Variants in PMS2 observed in about 807,000 individuals in gnomAD.
PMS2 encodes the protein mismatch repair endonuclease PMS2.
PMS2 carries 69 observed loss-of-function variants against 90.0 expected under a neutral mutation model. The observed-to-expected ratio is 0.77, with a 90% CI of 0.63 to 0.94. PMS2 has a LOEUF of 0.94. Ranked by LOEUF, PMS2 falls within the 40% of genes least tolerant of loss-of-function variation. The pLI is 0.00. For synonymous variants in PMS2, 332 were observed against 375.1 expected, an observed-to-expected ratio of 0.89 and a Z score of 1.33; for missense variants, 966 against 1,040.2, an observed-to-expected ratio of 0.93 and a Z score of 0.98.
chr7:5,993,262 T>C (rs1436554617), intron 8 of PMS2, among the ~76,000 whole-genome samples: 1 of 151,252 alleles, frequency 6.6e-6, no homozygotes, highest in Non-Finnish European at 1.5e-5. Context: ...TCCCAGCTAC[T>C]TGAGAGGCTG....
At chr7:5,994,667 T>C (rs578176257) in intron 8 of PMS2, among the ~76,000 whole-genome samples, 75 of 151,666 alleles carry the variant, frequency 4.9e-4, no homozygotes, top group African/African-American at 1.6e-3. Context: ...TCCCAGCTAC[T>C]CGGGAGGCTG....
intron 4 of PMS2, 98 bp downstream of exon 4, chr7:6,003,592 G>C (rs1266631629): frequency 1.4e-6 from 1 of 719,694 alleles, no homozygotes; most frequent in Non-Finnish European, 2.5e-6. Context: ...TAGAAGTTGA[G>C]ATGTTGAGAT....
In PMS2 at chr7:5,972,907, A is replaced by T. The variant is rs1781434536; in HGVS notation, c.*492T>A. On this transcript the variant is annotated 3_prime_UTR_variant, in exon 15 of 15. Transcript: ENST00000265849. Reference sequence around the variant, plus strand: ...CACCCAGGCTGGAGCGCAGTGGCGCAATCTCGGTTCACTGCAACCTCCGTC... The same window carrying T: ...CACCCAGGCTGGAGCGCAGTGGCGCTATCTCGGTTCACTGCAACCTCCGTC... 1.5e-5 allele frequency among the ~76,000 whole-genome samples: 1 copy of T among 65,004 alleles called. No individual in the cohort carries two copies. The highest frequency in any genetic ancestry group is 2.9e-5 in the Non-Finnish European group (1 of 34,304). 42.6% of individuals were successfully genotyped at this position (65,004 alleles called of 152,430 possible).
chr7:6,009,031 C>G lies in PMS2; in HGVS notation c.-12G>C, dbSNP rs1208325722. On this transcript the variant is annotated 5_prime_UTR_variant, in exon 1 of 15. Transcript: ENST00000265849. ...TCAGCTCGCTCCATGGATGCAACAC[C>G]CGATCCGCCTCGGGGACTGGGAAAG... 2 of 1,612,402 alleles carry G rather than the reference C, an allele frequency of 1.2e-6. No homozygotes were observed. The highest frequency in any genetic ancestry group is 2.7e-5 in the African/African-American group (2 of 74,912).
Position 6,002,872 on chromosome 7 carries a change from C to T in PMS2, c.354-236G>A, listed in dbSNP as rs1785259471. ...TTTGCTTTGATAAAAGCTTTGATTT[C>T]GTTTTTCAGGTTGAACTGCAAAACC... On this transcript the variant is annotated intron_variant, in intron 4 of 14. Transcript: ENST00000265849. Among the ~76,000 whole-genome samples the T allele has an allele frequency of 2.0e-5, 3 of 152,258 alleles. No homozygotes were observed. In the East Asian group the frequency reaches 5.8e-4, roughly 29 times the overall value.
At chr7:6,008,884 G>T (rs778168725) in intron 1 of PMS2, 113 bp downstream of exon 1, 343 of 1,331,032 alleles carry the variant, frequency 2.6e-4, no homozygotes, top group Non-Finnish European at 3.6e-4. Context: ...CCAGGGGGCT[G>T]CCTCGCCACG....
intron 8 of PMS2, among the ~76,000 whole-genome samples, chr7:5,993,659 G>C (rs917929555): frequency 6.7e-6 from 1 of 149,916 alleles, no homozygotes; most frequent in African/African-American, 2.5e-5. Flanking sequence ...TCAGGAGTTC[G>C]AGACCAGCCT....
At chr7:6,005,743 T>A in intron 2 of PMS2, 149 bp downstream of exon 2, 1 of 1,152,346 alleles carries the variant, frequency 8.7e-7, no homozygotes, top group Admixed American at 1.8e-5. Flanking sequence ...AGCTAAGTAC[T>A]AGGCACATAA....
chr7:5,981,601 GCTGT>G (rs1201803148), intron 12 of PMS2, among the ~76,000 whole-genome samples: 8 of 150,656 alleles, frequency 5.3e-5, no homozygotes, highest in South Asian at 2.1e-4. Flanking sequence ...TGGCGCACAG[GCTGT>G]CTGTCTTTCT....
intron 5 of PMS2, 144 bp from the exon 6 acceptor site, chr7:5,999,419 G>A: frequency 3.8e-6 from 3 of 785,066 alleles, no homozygotes; most frequent in Non-Finnish European, 4.3e-6. Context: ...TCTGTAAAGA[G>A]GTGTCTTCCT....
chr7:6,004,185 T>C, intron 2 of PMS2, 127 bp from the exon 3 acceptor site: 1 of 646,546 alleles, frequency 1.5e-6, no homozygotes, highest in Non-Finnish European at 2.8e-6. Context: ...AACATACTAG[T>C]GTCATTTTGT....
intron 7 of PMS2, 121 bp downstream of exon 7, chr7:5,997,205 C>T (rs1784502336): frequency 4.4e-6 from 3 of 677,834 alleles, no homozygotes; most frequent in South Asian, 3.4e-5. Flanking sequence ...CAAAGCAAGA[C>T]TCCGTCTCAA....
chr7:5,987,408 T>C lies in PMS2; in HGVS notation c.1357A>G (p.Met453Val), dbSNP rs587780722. 2.0e-5 allele frequency: 32 copies of C among 1,614,046 alleles called. No homozygotes were observed. The highest frequency in any genetic ancestry group is 8.9e-5 in the East Asian group (4 of 44,902). The change falls in exon 11 of 15, where the codon ATG becomes GTG. Residue 453 changes from methionine to valine, a missense_variant. Transcript: ENST00000265849. The part of the protein sequence containing the change: ...RRSPLGQKRG[M>V]LSSSTSGAIS... Reference sequence around the variant, plus strand: ...GCACCTGAAGTGCTAGAAGACAGCATACCCCTTTTCTGTCCTAGAGGGCTC... The same window carrying C: ...GCACCTGAAGTGCTAGAAGACAGCACACCCCTTTTCTGTCCTAGAGGGCTC...
intron 11 of PMS2, among the ~76,000 whole-genome samples, chr7:5,984,379 T>G (rs755726062): frequency 2.0e-5 from 3 of 151,812 alleles, no homozygotes; most frequent in Non-Finnish European, 4.4e-5. Flanking sequence ...GACACTGTCA[T>G]TCTCAGTCCC....
At chr7:5,995,446 C>T in intron 8 of PMS2, 88 bp downstream of exon 8, 1 of 807,418 alleles carries the variant, frequency 1.2e-6, no homozygotes, top group Non-Finnish European at 2.2e-6. Flanking sequence ...GTCCCGAGCT[C>T]CACGTAAACT....
intron 11 of PMS2, among the ~76,000 whole-genome samples, chr7:5,985,557 C>CTT (rs898216216): frequency 3.5e-5 from 4 of 115,788 alleles, no homozygotes; most frequent in Admixed American, 8.8e-5. Flanking sequence ...TTTTCTTTTT[C>CTT]TTTTTTTTTT....
At chr7:5,999,669 G>T (rs2128804690) in intron 5 of PMS2, among the ~76,000 whole-genome samples, 1 of 152,142 alleles carries the variant, frequency 6.6e-6, no homozygotes, top group South Asian at 2.1e-4. Flanking sequence ...CATGGCATGT[G>T]CCTGTAGTCA....
At chr7:5,984,699 C>T (rs955233816) in intron 11 of PMS2, among the ~76,000 whole-genome samples, 6 of 151,608 alleles carry the variant, frequency 4.0e-5, no homozygotes, top group African/African-American at 7.3e-5. Flanking sequence ...GCAGAAGAAT[C>T]GTTTGAACCC....
chr7:6,005,999 TCAATA>T lies in PMS2; in HGVS notation c.51_55del (p.Ile18SerfsTer34), dbSNP rs1785714291. The T allele has an allele frequency of 6.2e-7, 1 of 1,610,738 alleles. No homozygotes were observed. Among genetic ancestry groups the T allele is most frequent in the East Asian group, 2.2e-5 (1 of 44,870 alleles). On this transcript the variant is annotated frameshift_variant, in exon 2 of 15. Transcript: ENST00000265849. LOFTEE classifies it high-confidence loss of function. The stretch of plus-strand genomic sequence containing the variant: ...GCAAATCTGATGGACTGACTTCCGA[TCAATA>T]GGTTTGATGGCCTTAGCAGGTTCTG...
Sources: allele counts gnomAD v4.1 joint callset (sites outside exome capture counted in the v4.1 genomes callset), GRCh38; gene constraint gnomAD v4.1.1; transcripts MANE v1.5; gene names NCBI Gene and HGNC (gene_info 2026-07-23, HGNC 2026-07-21).